Variants in PTPRD observed in about 807,000 individuals in gnomAD.
PTPRD encodes the protein protein tyrosine phosphatase receptor type D, also known as receptor-type tyrosine-protein phosphatase delta.
A neutral mutation model predicts 214.5 loss-of-function variants in PTPRD; 34 were observed. The ratio of observed to expected loss-of-function variants is 0.16; its 90% CI spans 0.12 to 0.21. The LOEUF is 0.21. PTPRD is among the 10% of genes least tolerant of loss of function. The pLI, the probability that PTPRD is intolerant of heterozygous loss-of-function variation, is 1.00. For synonymous variants in PTPRD, 1,128 were observed against 845.7 expected, an observed-to-expected ratio of 1.33 and a Z score of -5.79; for missense variants, 2,545 against 2,398.7, an observed-to-expected ratio of 1.06 and a Z score of -1.27.
chr9:9,166,662 T>C (rs2099904792), intron 10 of PTPRD, among the ~76,000 whole-genome samples: 1 of 152,168 alleles, frequency 6.6e-6, no homozygotes, highest in South Asian at 2.1e-4. Flanking sequence ...AGCTCAGATA[T>C]TAGTTCACTA....
chr9:9,037,491 G>C (rs1237892839), intron 10 of PTPRD, among the ~76,000 whole-genome samples: 2 of 152,134 alleles, frequency 1.3e-5, no homozygotes, highest in African/African-American at 4.8e-5. Context: ...GGCAAAGATA[G>C]TTTGCTCTAG....
chr9:10,132,071 G>C (rs1013093267), intron 3 of PTPRD, among the ~76,000 whole-genome samples: 2 of 151,998 alleles, frequency 1.3e-5, no homozygotes, highest in African/African-American at 4.8e-5. Flanking sequence ...AAAAAATATT[G>C]AGGCAAAATT....
intron 4 of PTPRD, among the ~76,000 whole-genome samples, chr9:9,947,470 A>ATATT (rs36190326): frequency 4.5e-4 from 15 of 33,166 alleles, no homozygotes; most frequent in African/African-American, 3.1e-3. Context: ...TATACTATAT[A>ATATT]TTATATATAT....
chr9:9,593,980 T>C (rs576879119), intron 7 of PTPRD, among the ~76,000 whole-genome samples: 54 of 152,188 alleles, frequency 3.5e-4, no homozygotes, highest in African/African-American at 1.3e-3. Context: ...TGGCTATCTA[T>C]TGGTATGACA....
At chr9:10,460,489 A>G (rs1461911315) in intron 2 of PTPRD, among the ~76,000 whole-genome samples, 1 of 152,144 alleles carries the variant, frequency 6.6e-6, no homozygotes, top group Non-Finnish European at 1.5e-5. Flanking sequence ...TTACAAAGCT[A>G]TAGCAATCAA....
intron 10 of PTPRD, among the ~76,000 whole-genome samples, chr9:9,161,832 G>T (rs1271484916): frequency 6.6e-6 from 1 of 150,768 alleles, no homozygotes; most frequent in Non-Finnish European, 1.5e-5. Context: ...AACAGTAATG[G>T]TAACATTACT....
At chr9:9,009,081 AT>A (rs1466000368) in intron 11 of PTPRD, among the ~76,000 whole-genome samples, 1 of 152,178 alleles carries the variant, frequency 6.6e-6, no homozygotes, top group African/African-American at 2.4e-5. Flanking sequence ...TAATGTATGT[AT>A]AAAAATAGTA....
chr9:8,723,227 G>A (rs528264878), intron 12 of PTPRD, among the ~76,000 whole-genome samples: 1 of 152,100 alleles, frequency 6.6e-6, no homozygotes, highest in South Asian at 2.1e-4. Flanking sequence ...TCCCCCATCT[G>A]CCTGGATGCT....
At chr9:9,790,000 G>T (rs973640474) in intron 5 of PTPRD, among the ~76,000 whole-genome samples, 5 of 151,900 alleles carry the variant, frequency 3.3e-5, no homozygotes, top group African/African-American at 1.2e-4. Context: ...ACAACTAAAA[G>T]AACACACATA....
chr9:9,393,429 A>G (rs539716941), intron 9 of PTPRD, among the ~76,000 whole-genome samples: 4 of 152,296 alleles, frequency 2.6e-5, no homozygotes, highest in African/African-American at 9.6e-5. Flanking sequence ...ATGGACAGCC[A>G]TTGGAAGGTG....
chr9:8,624,473 A>G (rs1277630829), intron 14 of PTPRD, among the ~76,000 whole-genome samples: 1 of 151,858 alleles, frequency 6.6e-6, no homozygotes, highest in East Asian at 1.9e-4. Context: ...CTGAATTACT[A>G]TGTGCCTAGC....
Position 10,169,887 on chromosome 9 carries a change from G to T in PTPRD, c.-544-136097C>A, listed in dbSNP as rs1174151186. On this transcript the variant is annotated intron_variant, in intron 3 of 45. Coordinates refer to ENST00000381196, the MANE Select transcript of PTPRD (RefSeq NM_002839.4). ...CTCAATAGAAGGTGATTCCAAGTGG[G>T]TCAAAATATTAGATTTAGTTTATAA... Among the ~76,000 whole-genome samples the T allele has an allele frequency of 2.6e-5, 4 of 152,084 alleles. No individual in the cohort carries two copies. In the East Asian group the frequency reaches 7.7e-4, roughly 29 times the overall value.
chr9:10,283,714 C>A (rs1327754587), intron 3 of PTPRD, among the ~76,000 whole-genome samples: 1 of 152,128 alleles, frequency 6.6e-6, no homozygotes, highest in Non-Finnish European at 1.5e-5. Flanking sequence ...CAAGAACTGC[C>A]ATATAGGATA....
chr9:9,434,611 T>C (rs2084477256), intron 8 of PTPRD, among the ~76,000 whole-genome samples: 1 of 152,104 alleles, frequency 6.6e-6, no homozygotes, highest in Admixed American at 6.6e-5. Context: ...TCATACTACC[T>C]GGCTTCAAAA....
chr9:9,576,723 G>A (rs1218793862), intron 7 of PTPRD, among the ~76,000 whole-genome samples: 1 of 152,126 alleles, frequency 6.6e-6, no homozygotes, highest in Non-Finnish European at 1.5e-5. Context: ...CAAATTAGAA[G>A]TTTTAATTGT....
intron 2 of PTPRD, among the ~76,000 whole-genome samples, chr9:10,523,601 G>GTATATATATATA (rs201455705): frequency 0.046 from 2,954 of 64,266 alleles, 258 homozygotes; most frequent in East Asian, 0.11. Context: ...ATATTTATCT[G>GTATATATATATA]TATATATATA....
intron 9 of PTPRD, among the ~76,000 whole-genome samples, chr9:9,234,028 G>A (rs1290692268): frequency 6.6e-6 from 1 of 152,172 alleles, no homozygotes; most frequent in African/African-American, 2.4e-5. Flanking sequence ...GGGACTCTGT[G>A]TGGGGGCTCC....
At chr9:9,883,565 T>G (rs1159551259) in intron 5 of PTPRD, among the ~76,000 whole-genome samples, 6 of 152,120 alleles carry the variant, frequency 3.9e-5, no homozygotes, top group Non-Finnish European at 2.9e-5. Flanking sequence ...CAATTATGAA[T>G]TTTAAGAAGA....
intron 9 of PTPRD, among the ~76,000 whole-genome samples, chr9:9,246,518 C>G (rs757455725): frequency 1.1e-4 from 17 of 152,092 alleles, no homozygotes; most frequent in Non-Finnish European, 2.4e-4. Flanking sequence ...GAAAATGCAT[C>G]AAGCTCAAAT....
Sources: gnomAD v4.1 joint callset for allele counts (sites outside exome capture counted in the v4.1 genomes callset) on GRCh38, gnomAD v4.1.1 for gene constraint, MANE v1.5 for transcripts, NCBI Gene and HGNC (gene_info 2026-07-23, HGNC 2026-07-21) for gene names.